Variants in DIPK1B observed in about 807,000 individuals in gnomAD.
DIPK1B encodes divergent protein kinase domain 1B.
In DIPK1B, 17 loss-of-function variants were observed where a neutral mutation model predicts 20.7. The observed-to-expected ratio is 0.82, with a 90% confidence interval of 0.56 to 1.23. The LOEUF is 1.23. Ranked by LOEUF, DIPK1B falls within the 50% of genes most tolerant of loss-of-function variation. DIPK1B has a pLI of 0.00. For missense variants in DIPK1B, 648 were observed against 601.8 expected (o/e 1.08, Z -0.80); for synonymous variants, 343 against 276.5 (o/e 1.24, Z -2.39).
rs17065181 is a variant in DIPK1B at position 136,723,968 on chromosome 9, C to T, written c.*194C>T. 2.9e-5 allele frequency: 18 copies of T among 622,018 alleles called. No individual in the cohort carries two copies. The highest frequency in any genetic ancestry group is 1.7e-4 in the East Asian group (6 of 36,068). 38.5% of individuals were successfully genotyped at this position (622,018 alleles called of 1,614,324 possible). On this transcript the variant is annotated 3_prime_UTR_variant, in exon 5 of 5. Coordinates refer to ENST00000371692, the MANE Select transcript of DIPK1B (RefSeq NM_152421.4). ...GGAGCAAAGGCGGACATGGACATCC[C>T]GGCAGGAGAGTCCTCCAAGGGGGTT... is the stretch of plus-strand genomic sequence containing the variant.
chr9:136,722,600 G>A lies in DIPK1B; in HGVS notation c.483+299G>A, dbSNP rs1395426993. 11 of 560,624 alleles carry A rather than the reference G, an allele frequency of 2.0e-5. No homozygotes were observed. The East Asian group carries it at 3.3e-4, about 17-fold the overall frequency. The allele number at this position is 560,624 out of a possible 1,614,324, so 34.7% of individuals were successfully genotyped here. On this transcript the variant is annotated intron_variant, in intron 4 of 4. Transcript: ENST00000371692. ...GCCCCGAATGGAGACCAGGGCTTGT[G>A]GAAAGGGGCCGCTTCCCAGGGCTTC...
At chr9:136,719,642 C>T (rs996303489) in intron 2 of DIPK1B, among the ~76,000 whole-genome samples, 1 of 152,200 alleles carries the variant, frequency 6.6e-6, no homozygotes, top group African/African-American at 2.4e-5. Flanking sequence ...AAGCACACGC[C>T]CGCCTCAGCC....
Position 136,722,272 on chromosome 9 carries a change from T to C in DIPK1B, c.454T>C (p.Phe152Leu). 1 of 1,613,658 alleles carries C rather than the reference T, an allele frequency of 6.2e-7. No homozygotes were observed. The highest frequency in any genetic ancestry group is 8.5e-7 in the Non-Finnish European group (1 of 1,179,882). ...KPTRGTSIKEFREMTLSFLKA... is the reference protein window; with the variant it reads ...KPTRGTSIKELREMTLSFLKA... ...CACCCGGGGCACCTCCATCAAGGAA[T>C]TCCGGGAGATGACCCTCAGCTTCCT... The change falls in exon 4 of 5, where the codon TTC becomes CTC. Residue 152 changes from phenylalanine (F) to leucine (L), a missense_variant. Transcript: ENST00000371692.
At position 136,723,840 on chromosome 9, in the gene DIPK1B, C is replaced by A. The variant is rs1326711539; in HGVS notation, c.*66C>A. 7.0e-6 allele frequency: 10 copies of A among 1,435,420 alleles called. No homozygotes were observed. The allele number at this position is 1,435,420 out of a possible 1,614,324, so 88.9% of individuals were successfully genotyped here. On this transcript the variant is annotated 3_prime_UTR_variant, in exon 5 of 5. Coordinates refer to ENST00000371692, the MANE Select transcript of DIPK1B (RefSeq NM_152421.4). Reference sequence around the variant, plus strand: ...CAGGTGCCAGGGTCCAACCCTCCCTCAAGGAATCCTGTCAGAAGATGTGAA... The same window carrying A: ...CAGGTGCCAGGGTCCAACCCTCCCTAAAGGAATCCTGTCAGAAGATGTGAA...
At chr9:136,713,075 G>A (rs893663680) in intron 1 of DIPK1B, among the ~76,000 whole-genome samples, 3 of 152,154 alleles carry the variant, frequency 2.0e-5, no homozygotes, top group Admixed American at 2.0e-4. Context: ...TAGAAAACTT[G>A]GGACGCACAG....
Position 136,724,386 on chromosome 9 carries a change from C to T in DIPK1B, c.*612C>T, listed in dbSNP as rs945383. On this transcript the variant is annotated 3_prime_UTR_variant, in exon 5 of 5. Transcript: ENST00000371692. Reference sequence around the variant, plus strand: ...ATTTTAAAAACTGATTTTACAAAATCCAGCCATGAGATGTACAACTCATTC... The same window carrying T: ...ATTTTAAAAACTGATTTTACAAAATTCAGCCATGAGATGTACAACTCATTC... Among the ~76,000 whole-genome samples the T allele has an allele frequency of 6.6e-6, 1 of 152,048 alleles. No individual in the cohort carries two copies. The highest frequency in any genetic ancestry group is 1.5e-5 in the Non-Finnish European group (1 of 68,010).
intron 1 of DIPK1B, among the ~76,000 whole-genome samples, chr9:136,717,122 G>T (rs181269696): frequency 1.3e-5 from 2 of 151,854 alleles, no homozygotes; most frequent in Non-Finnish European, 2.9e-5. Flanking sequence ...CCAGTTACTC[G>T]GGAGGCTGAC....
At chr9:136,722,491 A>G (rs883104) in intron 4 of DIPK1B, 190 bp downstream of exon 4, 11,219 of 732,046 alleles carry the variant, frequency 0.015, 159 homozygotes, top group Admixed American at 0.049. Context: ...GGCTGGGGGC[A>G]AGGGTTGGGG....
chr9:136,717,809 A>C (rs913630424), intron 2 of DIPK1B, 98 bp downstream of exon 2: 2 of 1,543,820 alleles, frequency 1.3e-6, no homozygotes, highest in African/African-American at 2.7e-5. Context: ...CCCCAGACCC[A>C]GGGCCCACGA....
intron 2 of DIPK1B, among the ~76,000 whole-genome samples, chr9:136,718,552 G>A (rs1022059392): frequency 6.6e-5 from 10 of 152,172 alleles, no homozygotes; most frequent in African/African-American, 2.2e-4. Flanking sequence ...CCCTAGACTC[G>A]CCCAGAACTG....
chr9:136,712,821 C>G lies in DIPK1B; in HGVS notation c.63+93C>G. On this transcript the variant is annotated intron_variant, in intron 1 of 4. Transcript: ENST00000371692. This position sits in a 1 kb window ranked among gnomAD's most constrained non-coding sequence, Gnocchi z 5.6. Reference sequence around the variant, plus strand: ...GTGGGCCGAGTACGGAGCGGGGCCCCGGGTTCGGACACGAAGGGTTCATGA... The same window carrying G: ...GTGGGCCGAGTACGGAGCGGGGCCCGGGGTTCGGACACGAAGGGTTCATGA... 2.2e-6 allele frequency: 2 copies of G among 895,428 alleles called. No individual in the cohort carries two copies. Among genetic ancestry groups the G allele is most frequent in the Non-Finnish European group, 1.5e-6 (1 of 687,032 alleles). 55.5% of individuals were successfully genotyped at this position (895,428 alleles called of 1,614,324 possible).
At chr9:136,720,675 C>T (rs1401273283) in intron 2 of DIPK1B, among the ~76,000 whole-genome samples, 6 of 152,180 alleles carry the variant, frequency 3.9e-5, no homozygotes, top group South Asian at 2.1e-4. Flanking sequence ...AGGACAGGCC[C>T]GGAGTCATTG....
At chr9:136,721,375 CTCACT>C (rs1846597174) in intron 2 of DIPK1B, 1 of 154,944 alleles carries the variant, frequency 6.5e-6, no homozygotes, top group South Asian at 2.0e-4. Context: ...TCAGAAATGT[CTCACT>C]TACTATTCCG....
chr9:136,713,579 G>A (rs1846455805), intron 1 of DIPK1B, among the ~76,000 whole-genome samples: 1 of 152,246 alleles, frequency 6.6e-6, no homozygotes, highest in African/African-American at 2.4e-5. Context: ...GCTTCAGGTT[G>A]TGGTGGTCCC....
chr9:136,715,829 G>A (rs992904998), intron 1 of DIPK1B, among the ~76,000 whole-genome samples: 3 of 152,014 alleles, frequency 2.0e-5, no homozygotes, highest in Non-Finnish European at 2.9e-5. Flanking sequence ...TTTTAACTGC[G>A]GTAAGATACA....
intron 1 of DIPK1B, among the ~76,000 whole-genome samples, chr9:136,716,234 T>C (rs1021223463): frequency 5.3e-5 from 8 of 151,672 alleles, no homozygotes; most frequent in African/African-American, 1.7e-4. Flanking sequence ...ACCCCTGGGC[T>C]GTTGTGAACA....
In DIPK1B at chr9:136,721,918, C is replaced by A; in HGVS notation, c.199-3C>A. 6.2e-7 allele frequency: 1 copy of A among 1,612,836 alleles called. No individual in the cohort carries two copies. Among genetic ancestry groups the A allele is most frequent in the South Asian group, 1.1e-5 (1 of 91,028 alleles). ...CCCGGCACGCCTGCACCTGTCTCCT[C>A]AGTGTGACCAGTACCGCAAGGGGAT... On this transcript the variant is annotated splice_polypyrimidine_tract_variant and splice_region_variant and intron_variant, in intron 2 of 4. Coordinates refer to ENST00000371692, the MANE Select transcript of DIPK1B (RefSeq NM_152421.4).
At position 136,723,880 on chromosome 9, in the gene DIPK1B, C is replaced by A; in HGVS notation, c.*106C>A. On this transcript the variant is annotated 3_prime_UTR_variant, in exon 5 of 5. Coordinates refer to ENST00000371692, the MANE Select transcript of DIPK1B (RefSeq NM_152421.4). ...GAAGATGTGAAATGCAACTGTGTTG[C>A]AAAATCACTCCCCTACCGTCAGGGC... 2 of 1,159,430 alleles carry A rather than the reference C, an allele frequency of 1.7e-6. No individual in the cohort carries two copies. The highest frequency in any genetic ancestry group is 2.4e-6 in the Non-Finnish European group (2 of 835,340). 71.8% of individuals were successfully genotyped at this position (1,159,430 alleles called of 1,614,324 possible).
chr9:136,718,467 G>T (rs1319607694), intron 2 of DIPK1B, among the ~76,000 whole-genome samples: 1 of 152,148 alleles, frequency 6.6e-6, no homozygotes, highest in South Asian at 2.1e-4. Flanking sequence ...GCACACCAAG[G>T]TGACCCCCTG....
Sources: allele counts gnomAD v4.1 joint callset (sites outside exome capture counted in the v4.1 genomes callset), GRCh38; gene constraint gnomAD v4.1.1; non-coding constraint Gnocchi (gnomAD v3.1); transcripts MANE v1.5; gene names NCBI Gene and HGNC (gene_info 2026-07-23, HGNC 2026-07-21).